The following MYO18A variants were observed in gnomAD, a reference collection of about 807,000 sequenced individuals.
MYO18A encodes the protein myosin XVIIIA.
In MYO18A, 78 loss-of-function variants were observed where a neutral mutation model predicts 235.8. The observed-to-expected ratio is 0.33, with a 90% CI of 0.28 to 0.40. The LOEUF (loss-of-function observed/expected upper bound fraction) is 0.40. Ranked by LOEUF, MYO18A falls within the 10% of genes least tolerant of loss-of-function variation. MYO18A has a pLI of 1.00. For synonymous variants in MYO18A, 977 were observed against 1,077.8 expected (o/e 0.91, Z 1.83); for missense variants, 2,215 against 2,699.3 (o/e 0.82, Z 3.98).
intron 41 of MYO18A, 55 bp downstream of exon 41, chr17:29,082,261 C>T (rs2066139831): frequency 6.2e-7 from 1 of 1,610,660 alleles, no homozygotes; most frequent in African/African-American, 1.3e-5. Context: ...CGCTACTTGT[C>T]CATTCCTTGT....
chr17:29,079,814 G>T, intron 41 of MYO18A: 1 of 986,098 alleles, frequency 1.0e-6, no homozygotes, highest in Non-Finnish European at 1.2e-6. Flanking sequence ...TTCCTCGACG[G>T]CCGGTGCGTC....
intron 2 of MYO18A, chr17:29,131,355 G>T (rs1040523665): frequency 4.4e-5 from 43 of 983,112 alleles, no homozygotes; most frequent in Non-Finnish European, 4.8e-5. Flanking sequence ...ACACACGCAT[G>T]CCTCGGAGAA....
intron 1 of MYO18A, among the ~76,000 whole-genome samples, chr17:29,172,269 T>C (rs1230072980): frequency 6.6e-6 from 1 of 152,032 alleles, no homozygotes; most frequent in Admixed American, 6.6e-5. Context: ...AGATCAGGTG[T>C]TCGAAACCAG....
At chr17:29,178,263 C>CA (rs559261250) in intron 1 of MYO18A, among the ~76,000 whole-genome samples, 110 of 152,294 alleles carry the variant, frequency 7.2e-4, no homozygotes, top group African/African-American at 2.5e-3. Context: ...CTCAGGCACA[C>CA]ACTCTGGCAC....
chr17:29,082,519 T>C, intron 40 of MYO18A, 81 bp from the exon 41 acceptor site: 1 of 1,470,900 alleles, frequency 6.8e-7, no homozygotes, highest in Non-Finnish European at 9.2e-7. Context: ...GTGCAGGGGG[T>C]GTCTTGGGCA....
chr17:29,164,020 G>C (rs1052855116), intron 2 of MYO18A, among the ~76,000 whole-genome samples: 3 of 152,208 alleles, frequency 2.0e-5, no homozygotes, highest in African/African-American at 7.2e-5. Context: ...CTCCTGAGTA[G>C]CTGGGATTAC....
At position 29,136,322 on chromosome 17, in the gene MYO18A, TA is replaced by T. The variant is rs1169522689; in HGVS notation, c.1000-14070del. ...AAACCTACCATGTACCCACAAAAAT[TA>T]AAAAAAAAAAAGATCAAGTTACTGT... On this transcript the variant is annotated intron_variant, in intron 2 of 41. Coordinates refer to ENST00000527372, the MANE Select transcript of MYO18A (RefSeq NM_078471.4). Among the ~76,000 whole-genome samples, 428 of 129,420 alleles carry T rather than the reference TA, an allele frequency of 3.3e-3. 1 individual carries two copies. The highest frequency in any genetic ancestry group is 8.5e-3 in the African/African-American group (291 of 34,348). 84.9% of individuals were successfully genotyped at this position (129,420 alleles called of 152,430 possible). A position where few individuals can be genotyped will look rare whatever the true frequency, so the allele number is the denominator to read the frequency against.
At chr17:29,173,281 G>C (rs1255991966) in intron 1 of MYO18A, among the ~76,000 whole-genome samples, 1 of 151,060 alleles carries the variant, frequency 6.6e-6, no homozygotes, top group Admixed American at 6.6e-5. Context: ...TAGTAGAGAC[G>C]GGGTTTCTCC....
chr17:29,078,316 G>A (rs879467994), intron 41 of MYO18A: 1 of 152,230 alleles, frequency 6.6e-6, no homozygotes, highest in Non-Finnish European at 1.5e-5. Flanking sequence ...ATGCTCGGCT[G>A]ACTCTTGTCT....
chr17:29,115,264 C>T (rs1232278463), intron 13 of MYO18A, 87 bp downstream of exon 13: 30 of 1,502,030 alleles, frequency 2.0e-5, no homozygotes, highest in East Asian at 2.3e-5. Context: ...TGGAAGAGAC[C>T]GGCTCTGCCT....
intron 2 of MYO18A, chr17:29,133,775 A>G (rs554433366): frequency 1.6e-6 from 2 of 1,287,818 alleles, no homozygotes; most frequent in South Asian, 2.5e-5. Flanking sequence ...GGAAAAACAT[A>G]AAGATTTTAA....
At chr17:29,090,172 T>C in intron 36 of MYO18A, 74 bp from the exon 37 acceptor site, 2 of 1,516,222 alleles carry the variant, frequency 1.3e-6, no homozygotes. Flanking sequence ...GGGCAGGCAA[T>C]ATCACCACAG....
chr17:29,167,967 A>G (rs1182035704), intron 1 of MYO18A, among the ~76,000 whole-genome samples: 1 of 152,172 alleles, frequency 6.6e-6, no homozygotes, highest in Non-Finnish European at 1.5e-5. Flanking sequence ...GCATTCCTAC[A>G]AGGTAGATAT....
At chr17:29,145,273 C>T (rs374068746) in intron 2 of MYO18A, among the ~76,000 whole-genome samples, 14 of 152,280 alleles carry the variant, frequency 9.2e-5, no homozygotes, top group African/African-American at 3.4e-4. Flanking sequence ...GAACGGTGCA[C>T]GCACAATAAA....
chr17:29,102,453 TA>T (rs989286581), intron 21 of MYO18A, among the ~76,000 whole-genome samples: 6 of 151,746 alleles, frequency 4.0e-5, no homozygotes, highest in Admixed American at 1.3e-4. Flanking sequence ...AGCCCCAGCT[TA>T]AAAAAGCAGG....
In MYO18A at chr17:29,082,423, A is replaced by G. The variant is rs772194054; in HGVS notation, c.5913T>C (p.Asp1971=). 5 of 1,613,378 alleles carry G rather than the reference A, an allele frequency of 3.1e-6. No individual in the cohort carries two copies. The highest frequency in any genetic ancestry group is 4.2e-6 in the Non-Finnish European group (5 of 1,179,802). Residue 1971 remains aspartate, a synonymous_variant, in exon 41 of 42, where the codon GAT becomes GAC. Coordinates refer to ENST00000527372, the MANE Select transcript of MYO18A (RefSeq NM_078471.4). ...KRKNKLEGDS[D]VDSELEDRVD... ...CACGGTCCTCCAGCTCCGAGTCCAC[A>G]TCAGAGTCTCCCTCACTGTAGGGAT...
intron 2 of MYO18A, 80 bp from the exon 3 acceptor site, chr17:29,122,333 G>T: frequency 7.5e-7 from 1 of 1,339,642 alleles, no homozygotes; most frequent in Non-Finnish European, 1.0e-6. Context: ...AGACAAGTGA[G>T]GGCATGGGCT....
At chr17:29,122,640 C>A (rs756909513) in intron 2 of MYO18A, among the ~76,000 whole-genome samples, 1 of 152,246 alleles carries the variant, frequency 6.6e-6, no homozygotes, top group Non-Finnish European at 1.5e-5. Context: ...GTCCTGAGTC[C>A]AAGGCCCTAG....
intron 32 of MYO18A, 134 bp from the exon 33 acceptor site, chr17:29,093,135 C>A: frequency 7.6e-7 from 1 of 1,312,434 alleles, no homozygotes; most frequent in Non-Finnish European, 1.0e-6. Context: ...GTCATGCCAA[C>A]CAGCGATAAA....
Sources: allele counts gnomAD v4.1 joint callset (sites outside exome capture counted in the v4.1 genomes callset), GRCh38; gene constraint gnomAD v4.1.1; transcripts MANE v1.5; gene names NCBI Gene and HGNC (gene_info 2026-07-23, HGNC 2026-07-21).